The following SEPTIN3 variants were observed in gnomAD, a reference collection of about 807,000 sequenced individuals.
The protein encoded by SEPTIN3 is neuronal-specific septin-3.
Under a neutral mutation model 45.1 loss-of-function variants are expected in SEPTIN3, and 15 were observed. That is an observed-to-expected ratio of 0.33 (90% CI 0.22 to 0.51). The LOEUF (loss-of-function observed/expected upper bound fraction) is 0.51. Ranked by LOEUF, SEPTIN3 falls within the 20% of genes least tolerant of loss-of-function variation. The pLI is 0.97. For synonymous variants in SEPTIN3, 148 were observed against 164.8 expected (o/e 0.90, Z 0.78); for missense variants, 289 against 457.2 (o/e 0.63, Z 3.35).
At chr22:41,982,613 G>T (rs1240190072) in intron 3 of SEPTIN3, among the ~76,000 whole-genome samples, 1 of 151,818 alleles carries the variant, frequency 6.6e-6, no homozygotes, top group Non-Finnish European at 1.5e-5. Context: ...AAGGGGCTGG[G>T]CATGGTGGCT....
At chr22:41,974,101 G>T (rs1275050094) in intron 2 of SEPTIN3, among the ~76,000 whole-genome samples, 1 of 150,400 alleles carries the variant, frequency 6.6e-6, no homozygotes, top group Non-Finnish European at 1.5e-5. Flanking sequence ...GGTCGAGGCT[G>T]CAGTGAACCA....
chr22:41,981,808 C>A lies in SEPTIN3; in HGVS notation c.1668C>A (p.Thr556=), dbSNP rs746077219. 3 of 1,613,862 alleles carry A rather than the reference C, an allele frequency of 1.9e-6. No homozygotes were observed. Among genetic ancestry groups the A allele is most frequent in the African/African-American group, 1.3e-5 (1 of 75,040 alleles). The change falls in exon 3 of 12, where the codon ACC becomes ACA. Residue 556 remains threonine (T), a synonymous_variant. Transcript: ENST00000644076. ...IEQMRKKTMK[T]GFDFNIMVVG... is the part of the protein sequence containing the mutation. The stretch of plus-strand genomic sequence containing the variant: ...AGATGCGCAAGAAGACCATGAAGAC[C>A]GGTTTCGACTTCAACATCATGGTCG...
intron 11 of SEPTIN3, chr22:41,995,727 A>G: frequency 1.0e-6 from 1 of 985,424 alleles, no homozygotes; most frequent in Non-Finnish European, 1.2e-6. Flanking sequence ...AGAAAGGAAT[A>G]GGAAAGAAAG....
At chr22:41,982,439 T>C (rs1016343980) in intron 3 of SEPTIN3, among the ~76,000 whole-genome samples, 4 of 151,666 alleles carry the variant, frequency 2.6e-5, no homozygotes, top group South Asian at 4.2e-4. Context: ...ACCCGGGAGG[T>C]GGAGGTTGCA....
Position 41,998,219 on chromosome 22 carries a change from TA to T in SEPTIN3, c.*1254del, listed in dbSNP as rs765605195. On this transcript the variant is annotated 3_prime_UTR_variant, in exon 12 of 12. Transcript: ENST00000644076. The stretch of plus-strand genomic sequence containing the variant: ...CAACTAAACATTGCTGTTTGAACAG[TA>T]ACTGCCTGGCCTGTCTTATTTGTGC... 2.0e-5 allele frequency: 3 copies of T among 152,736 alleles called. No individual in the cohort carries two copies. Among genetic ancestry groups the T allele is most frequent in the Non-Finnish European group, 2.9e-5 (2 of 68,084 alleles). The allele number at this position is 152,736 out of a possible 1,614,324, so 9.5% of individuals were successfully genotyped here.
At chr22:41,975,071 A>G (rs950529382) in intron 2 of SEPTIN3, among the ~76,000 whole-genome samples, 2 of 151,978 alleles carry the variant, frequency 1.3e-5, no homozygotes, top group Admixed American at 6.6e-5. Context: ...GTCTTACCTG[A>G]ATGTCTCTTT....
chr22:41,989,739 T>C, intron 7 of SEPTIN3, 55 bp downstream of exon 7: 3 of 1,201,870 alleles, frequency 2.5e-6, no homozygotes, highest in Non-Finnish European at 3.7e-6. Context: ...TTCTCTCCGC[T>C]GGGTTCAGGC....
At position 41,971,692 on chromosome 22, in the gene SEPTIN3, C is replaced by A. The variant is rs1017011603; in HGVS notation, c.200C>A (p.Thr67Asn). ...TTCCCCCAAAGCCATATCCCACAGA[C>A]CTCCAGCCGGCTGGGCCTTGGAGCC... ...DTFPQSHIPQTSSRLGLGART... is the reference protein window; with the variant it reads ...DTFPQSHIPQNSSRLGLGART... The change falls in exon 2 of 12, where the codon ACC becomes AAC. Residue 67 changes from threonine to asparagine, a missense_variant. By Grantham distance (65) the Thr-to-Asn change is moderately conservative. Transcript: ENST00000644076. The A allele has an allele frequency of 1.1e-4, 45 of 399,020 alleles. No individual in the cohort carries two copies. Among genetic ancestry groups the A allele is most frequent in the Non-Finnish European group, 6.2e-5 (14 of 226,210 alleles). The allele number at this position is 399,020 out of a possible 1,614,324, so 24.7% of individuals were successfully genotyped here. A position where few individuals can be genotyped will look rare whatever the true frequency, so the allele number is the denominator to read the frequency against.
intron 7 of SEPTIN3, among the ~76,000 whole-genome samples, chr22:41,990,343 C>T (rs951893657): frequency 8.6e-5 from 13 of 151,546 alleles, no homozygotes; most frequent in African/African-American, 1.5e-4. Flanking sequence ...CGTGAGCCAC[C>T]GTGCCCAGCC....
rs536260724 is a variant in SEPTIN3 at position 41,985,781 on chromosome 22, T to C, written c.1697-203T>C. ...AGGAGAGAATATGGAATCCAAGTGA[T>C]GTTTCCCCAAGGCCCTCTGCAGTAA... On this transcript the variant is annotated intron_variant, in intron 3 of 11. Coordinates refer to ENST00000644076, the MANE Select transcript of SEPTIN3 (RefSeq NM_001363845.2). 8.5e-6 allele frequency: 4 copies of C among 470,234 alleles called. No individual in the cohort carries two copies. The South Asian group carries it at 1.0e-4, about 12-fold the overall frequency. The allele number at this position is 470,234 out of a possible 1,614,324, so 29.1% of individuals were successfully genotyped here. A position where few individuals can be genotyped will look rare whatever the true frequency, so the allele number is the denominator to read the frequency against.
At chr22:41,981,874 G>A (rs2269665) in intron 3 of SEPTIN3, 38 bp downstream of exon 3, 125,535 of 1,573,976 alleles carry the variant, frequency 0.08, 8,884 homozygotes, top group East Asian at 0.46. Flanking sequence ...GCCTGGTGGC[G>A]GGCAGCACCA....
intron 2 of SEPTIN3, among the ~76,000 whole-genome samples, chr22:41,979,538 T>A (rs2078088149): frequency 6.6e-6 from 1 of 152,064 alleles, no homozygotes; most frequent in Non-Finnish European, 1.5e-5. Flanking sequence ...GTGTGCTGAG[T>A]GGGGCCTGTG....
chr22:41,978,315 T>C (rs1348356388), intron 2 of SEPTIN3, among the ~76,000 whole-genome samples: 1 of 152,170 alleles, frequency 6.6e-6, no homozygotes, highest in Non-Finnish European at 1.5e-5. Context: ...GTATGCTGGG[T>C]AGACTGGGGC....
chr22:41,995,197 A>G, intron 11 of SEPTIN3: 2 of 1,021,134 alleles, frequency 2.0e-6, no homozygotes, highest in Non-Finnish European at 2.4e-6. Flanking sequence ...GACAGATGGC[A>G]GTGGAGCTAG....
At chr22:41,980,344 A>AAAC (rs1277870253) in intron 2 of SEPTIN3, among the ~76,000 whole-genome samples, 1 of 151,852 alleles carries the variant, frequency 6.6e-6, no homozygotes, top group East Asian at 1.9e-4. Flanking sequence ...CACTATGTTG[A>AAAC]TCAGGCTGGT....
intron 2 of SEPTIN3, among the ~76,000 whole-genome samples, chr22:41,978,018 A>G (rs571720794): frequency 6.6e-6 from 1 of 152,252 alleles, no homozygotes; most frequent in South Asian, 2.1e-4. Flanking sequence ...CCCAAGGACC[A>G]TCTAGCCAGG....
At chr22:41,996,535 C>T in intron 11 of SEPTIN3, 4 of 1,030,810 alleles carry the variant, frequency 3.9e-6, no homozygotes, top group Non-Finnish European at 4.7e-6. Context: ...GTGATCAGGT[C>T]ACCAGTGACC....
intron 2 of SEPTIN3, among the ~76,000 whole-genome samples, chr22:41,977,429 C>G: frequency 6.6e-6 from 1 of 152,136 alleles, no homozygotes; most frequent in African/African-American, 2.4e-5. Flanking sequence ...ACATACGTCC[C>G]CTCCCCCGCA....
At chr22:41,970,545 C>T (rs2077948409) in intron 1 of SEPTIN3, among the ~76,000 whole-genome samples, 1 of 152,146 alleles carries the variant, frequency 6.6e-6, no homozygotes, top group Non-Finnish European at 1.5e-5. Flanking sequence ...GGTCACATTC[C>T]CTGGCCTAAA....
Sources: allele counts gnomAD v4.1 joint callset (sites outside exome capture counted in the v4.1 genomes callset), GRCh38; gene constraint gnomAD v4.1.1; transcripts MANE v1.5; gene names NCBI Gene and HGNC (gene_info 2026-07-23, HGNC 2026-07-21).